The following GID8 variants were observed in gnomAD, a reference collection of about 807,000 sequenced individuals.
GID8 encodes glucose-induced degradation protein 8 homolog.
GID8 carries 6 observed loss-of-function variants against 27.4 expected under a neutral mutation model. The observed-to-expected ratio is 0.22, with a 90% CI of 0.12 to 0.43. GID8 has a LOEUF of 0.43. Ranked by LOEUF, GID8 falls within the 20% of genes least tolerant of loss-of-function variation. GID8 has a pLI of 1.00. For missense variants in GID8, 173 were observed against 287.6 expected, an observed-to-expected ratio of 0.60 and a Z score of 2.88; for synonymous variants, 112 against 109.0, an observed-to-expected ratio of 1.03 and a Z score of -0.17.
chr20:62,944,644 A>G, intron 4 of GID8, 95 bp from the exon 5 acceptor site: 1 of 841,952 alleles, frequency 1.2e-6, no homozygotes, highest in South Asian at 1.5e-5. Flanking sequence ...TCTCGCAGTT[A>G]AGAGCTTAAT....
In GID8 at chr20:62,945,788, A is replaced by G; in HGVS notation, c.*876A>G. On this transcript the variant is annotated 3_prime_UTR_variant, in exon 5 of 5. Transcript: ENST00000266069. ...GTGCTGAGTGAGCGGCCTTCATTAG[A>G]GCGAGGCAGCCCTTGGCCGGTGGGG... 2 of 1,278,256 alleles carry G rather than the reference A, an allele frequency of 1.6e-6. No individual in the cohort carries two copies. The highest frequency in any genetic ancestry group is 2.5e-5 in the South Asian group (2 of 79,446). 79.2% of individuals were successfully genotyped at this position (1,278,256 alleles called of 1,614,324 possible).
rs1228602101 is a variant in GID8 at position 62,943,844 on chromosome 20, T to G, written c.513+152T>G. The stretch of plus-strand genomic sequence containing the variant: ...AAGTGGTTCCTTCATGGCTTTTTTT[T>G]TTTTTTTTGGAGGTGAAGTCTTGTT... On this transcript the variant is annotated intron_variant, in intron 4 of 4. Coordinates refer to ENST00000266069, the MANE Select transcript of GID8 (RefSeq NM_017896.3). The surrounding 1 kb of genome is among the most constrained non-coding windows in gnomAD (Gnocchi z 4.7). The G allele has an allele frequency of 4.8e-6, 3 of 620,410 alleles. No individual in the cohort carries two copies. Among genetic ancestry groups the G allele is most frequent in the Non-Finnish European group, 8.4e-6 (3 of 356,544 alleles). 38.4% of individuals were successfully genotyped at this position (620,410 alleles called of 1,614,324 possible).
chr20:62,940,187 C>CTTTTTTTTTT (rs547746346), intron 1 of GID8, among the ~76,000 whole-genome samples: 4 of 132,254 alleles, frequency 3.0e-5, no homozygotes, highest in South Asian at 2.4e-4. Flanking sequence ...TCTTTTTTTT[C>CTTTTTTTTTT]TTTTTTTTTT....
At chr20:62,940,047 A>G (rs1176055781) in intron 1 of GID8, among the ~76,000 whole-genome samples, 1 of 151,254 alleles carries the variant, frequency 6.6e-6, no homozygotes, top group Non-Finnish European at 1.5e-5. Context: ...GCCCTTATTT[A>G]AAAAAAAACA....
chr20:62,939,208 G>A (rs1254957600), intron 1 of GID8, among the ~76,000 whole-genome samples: 3 of 152,096 alleles, frequency 2.0e-5, no homozygotes, highest in African/African-American at 7.2e-5. Context: ...AGTTGACAAC[G>A]AAAGATGGGT....
At chr20:62,939,286 C>T (rs888255158) in intron 1 of GID8, among the ~76,000 whole-genome samples, 2 of 152,178 alleles carry the variant, frequency 1.3e-5, no homozygotes, top group Admixed American at 1.3e-4. Context: ...AAGTTTTCTT[C>T]TGCTGGTGCC....
rs907552169 is a variant in GID8 at position 62,942,580 on chromosome 20, C to G, written c.119-407C>G. Among the ~76,000 whole-genome samples, 11 of 152,376 alleles carry G rather than the reference C, an allele frequency of 7.2e-5. No homozygotes were observed. The East Asian group carries it at 1.9e-3, about 27-fold the overall frequency. On this transcript the variant is annotated intron_variant, in intron 2 of 4. Coordinates refer to ENST00000266069, the MANE Select transcript of GID8 (RefSeq NM_017896.3). ...TTAAGAGGTGGGAGTCAACAGGCCA[C>G]TGCAGGTATAGCTGACCATGGAGGG...
At chr20:62,940,400 A>G (rs1316329088) in intron 1 of GID8, among the ~76,000 whole-genome samples, 1 of 143,598 alleles carries the variant, frequency 7.0e-6, no homozygotes, top group Non-Finnish European at 1.5e-5. Context: ...CCCAGGCTGG[A>G]GTGCAGTGGC....
At chr20:62,939,355 C>T (rs1422608034) in intron 1 of GID8, among the ~76,000 whole-genome samples, 1 of 152,020 alleles carries the variant, frequency 6.6e-6, no homozygotes, top group African/African-American at 2.4e-5. Context: ...TTCTCATTCC[C>T]TATCTACGCT....
Position 62,947,302 on chromosome 20 carries a change from G to A in GID8, c.*2390G>A, listed in dbSNP as rs534139144. 2.0e-5 allele frequency: 3 copies of A among 152,376 alleles called. No homozygotes were observed. The highest frequency in any genetic ancestry group is 3.9e-4 in the East Asian group (2 of 5,192). The allele number at this position is 152,376 out of a possible 1,614,324, so 9.4% of individuals were successfully genotyped here. On this transcript the variant is annotated 3_prime_UTR_variant, in exon 5 of 5. Transcript: ENST00000266069. ...CTTTTCTTGTGATCTGTTAGTGGAC[G>A]AGGTCTTCCAAGGAAGTGCTTTGCA... is the stretch of plus-strand genomic sequence containing the variant.
At chr20:62,942,200 TC>T (rs1411243909) in intron 2 of GID8, among the ~76,000 whole-genome samples, 3 of 152,172 alleles carry the variant, frequency 2.0e-5, no homozygotes, top group African/African-American at 7.2e-5. Flanking sequence ...ATGCTTATAG[TC>T]CCAGCACTTT....
chr20:62,943,474 C>T lies in GID8; in HGVS notation c.316-21C>T, dbSNP rs190230422. 8.8e-4 allele frequency: 1,418 copies of T among 1,609,364 alleles called. No homozygotes were observed. Among genetic ancestry groups the T allele is most frequent in the Non-Finnish European group, 1.2e-3 (1,363 of 1,177,836 alleles). On this transcript the variant is annotated intron_variant, in intron 3 of 4. Coordinates refer to ENST00000266069, the MANE Select transcript of GID8 (RefSeq NM_017896.3). This position sits in a 1 kb window ranked among gnomAD's most constrained non-coding sequence, Gnocchi z 4.7. ...CTGGCCTGGGTGTGTGGGGGTCAAG[C>T]TTGTCTGTCTCTGCCTCCAGCAACA...
At position 62,943,031 on chromosome 20, in the gene GID8, A is replaced by G. The variant is rs2065450180; in HGVS notation, c.163A>G (p.Ile55Val). 1 of 1,614,002 alleles carries G rather than the reference A, an allele frequency of 6.2e-7. No homozygotes were observed. The highest frequency in any genetic ancestry group is 8.5e-7 in the Non-Finnish European group (1 of 1,179,940). ...GGAGAAGTTTCGAATGGAATCTGGA[A>G]TCGAACCTAGTGTGGATCTGGAAAC... ...AAEKFRMESG[I>V]EPSVDLETLD... The change falls in exon 3 of 5, where the codon ATC becomes GTC. Residue 55 changes from isoleucine to valine, a missense_variant. Ile to Val is a conservative substitution (Grantham distance 29). Coordinates refer to ENST00000266069, the MANE Select transcript of GID8 (RefSeq NM_017896.3). This position sits in a 1 kb window ranked among gnomAD's most constrained non-coding sequence, Gnocchi z 4.7.
Position 62,945,874 on chromosome 20 carries a change from G to A in GID8, c.*962G>A, listed in dbSNP as rs1215798039. On this transcript the variant is annotated 3_prime_UTR_variant, in exon 5 of 5. Transcript: ENST00000266069. Reference sequence around the variant, plus strand: ...CGGAAGGAACGCGTGTTCATCCTCAGTGATCTGCCCTCCAGCATCTCGGCA... The same window carrying A: ...CGGAAGGAACGCGTGTTCATCCTCAATGATCTGCCCTCCAGCATCTCGGCA... 1.4e-5 allele frequency: 18 copies of A among 1,289,604 alleles called. No individual in the cohort carries two copies. The highest frequency in any genetic ancestry group is 1.7e-5 in the Non-Finnish European group (17 of 988,892). 79.9% of individuals were successfully genotyped at this position (1,289,604 alleles called of 1,614,324 possible). A position where few individuals can be genotyped will look rare whatever the true frequency, so the allele number is the denominator to read the frequency against.
At position 62,947,560 on chromosome 20, in the gene GID8, A is replaced by T. The variant is rs1208865994; in HGVS notation, c.*2648A>T. The T allele has an allele frequency of 6.6e-6, 1 of 152,656 alleles. No homozygotes were observed. Among genetic ancestry groups the T allele is most frequent in the Non-Finnish European group, 1.5e-5 (1 of 68,044 alleles). The allele number at this position is 152,656 out of a possible 1,614,324, so 9.5% of individuals were successfully genotyped here. On this transcript the variant is annotated 3_prime_UTR_variant, in exon 5 of 5. Transcript: ENST00000266069. ...TTCTGGTACTCTGTGTTCCAGATGC[A>T]TGAAATTGGGTGAGGAATAACCCCT...
At position 62,943,400 on chromosome 20, in the gene GID8, C is replaced by T; in HGVS notation, c.316-95C>T. 1 of 1,202,630 alleles carries T rather than the reference C, an allele frequency of 8.3e-7. No homozygotes were observed. Among genetic ancestry groups the T allele is most frequent in the Non-Finnish European group, 1.2e-6 (1 of 826,360 alleles). 74.5% of individuals were successfully genotyped at this position (1,202,630 alleles called of 1,614,324 possible). On this transcript the variant is annotated intron_variant, in intron 3 of 4. Transcript: ENST00000266069. The surrounding 1 kb of genome is among the most constrained non-coding windows in gnomAD (Gnocchi z 4.7). ...CTCAGAGATGCAAGAAAAGTCTTCC[C>T]TCTGTGATGTACTTTTGATTGGGAC...
At position 62,945,286 on chromosome 20, in the gene GID8, T is replaced by C. The variant is rs2065461242; in HGVS notation, c.*374T>C. 1 of 1,011,782 alleles carries C rather than the reference T, an allele frequency of 9.9e-7. No individual in the cohort carries two copies. The highest frequency in any genetic ancestry group is 5.3e-5 in the Admixed American group (1 of 18,826). 62.7% of individuals were successfully genotyped at this position (1,011,782 alleles called of 1,614,324 possible). On this transcript the variant is annotated 3_prime_UTR_variant, in exon 5 of 5. Coordinates refer to ENST00000266069, the MANE Select transcript of GID8 (RefSeq NM_017896.3). ...ACAGGAAAAGCACGAATCATGATTC[T>C]GCTTTCTGTTAGCTTAGGCAGACAT... is the stretch of plus-strand genomic sequence containing the variant.
Position 62,946,086 on chromosome 20 carries a change from C to A in GID8, c.*1174C>A. ...GGCACAGATGTGTTTGGATTCATTG[C>A]AGCGGACCACCGGGCACTGTTGACC... is the stretch of plus-strand genomic sequence containing the variant. On this transcript the variant is annotated 3_prime_UTR_variant, in exon 5 of 5. Coordinates refer to ENST00000266069, the MANE Select transcript of GID8 (RefSeq NM_017896.3). The A allele has an allele frequency of 8.5e-7, 1 of 1,171,316 alleles. No homozygotes were observed. Among genetic ancestry groups the A allele is most frequent in the Non-Finnish European group, 1.1e-6 (1 of 884,140 alleles). 72.6% of individuals were successfully genotyped at this position (1,171,316 alleles called of 1,614,324 possible).
rs2065465495 is a variant in GID8, at chr20:62,946,146, G to A, written c.*1234G>A. The A allele has an allele frequency of 1.4e-6, 1 of 727,132 alleles. No individual in the cohort carries two copies. 45.0% of individuals were successfully genotyped at this position (727,132 alleles called of 1,614,324 possible). A position where few individuals can be genotyped will look rare whatever the true frequency, so the allele number is the denominator to read the frequency against. On this transcript the variant is annotated 3_prime_UTR_variant, in exon 5 of 5. Coordinates refer to ENST00000266069, the MANE Select transcript of GID8 (RefSeq NM_017896.3). Reference sequence around the variant, plus strand: ...AGTGCTAAGTGTTGGTTTAGTGGATGTTCGTGGAATTGCTGACCCATCCAA... The same window carrying A: ...AGTGCTAAGTGTTGGTTTAGTGGATATTCGTGGAATTGCTGACCCATCCAA...
Sources: allele counts gnomAD v4.1 joint callset (sites outside exome capture counted in the v4.1 genomes callset), GRCh38; gene constraint gnomAD v4.1.1; non-coding constraint Gnocchi (gnomAD v3.1); transcripts MANE v1.5; gene names NCBI Gene and HGNC (gene_info 2026-07-23, HGNC 2026-07-21).